Variants in TRIP13 observed in about 807,000 individuals in gnomAD.
TRIP13 encodes pachytene checkpoint protein 2 homolog.
A neutral mutation model predicts 54.4 loss-of-function variants in TRIP13; 25 were observed. That is an observed-to-expected ratio of 0.46 (90% confidence interval 0.33 to 0.64). The LOEUF is 0.64. Among genes scored for constraint, TRIP13 ranks in the 30% least tolerant of loss-of-function variants. The pLI is 0.02. For missense variants in TRIP13, 373 were observed against 534.2 expected (o/e 0.70, Z 2.97); for synonymous variants, 207 against 207.8 (o/e 1.00, Z 0.03).
At position 911,631 on chromosome 5, in the gene TRIP13, C is replaced by T. The variant is rs1009404700; in HGVS notation, c.867-212C>T. On this transcript the variant is annotated intron_variant, in intron 9 of 12. Coordinates refer to ENST00000166345, the MANE Select transcript of TRIP13 (RefSeq NM_004237.4). This position sits in a 1 kb window ranked among gnomAD's most constrained non-coding sequence, Gnocchi z 4.7. ...AGGTTGAAGGCAGTGAGGGAATGAGCGAAGTGGGGCTGTAGAATTCCCAGA... is the reference window on the plus strand; with the variant it reads ...AGGTTGAAGGCAGTGAGGGAATGAGTGAAGTGGGGCTGTAGAATTCCCAGA... 6.6e-6 allele frequency among the ~76,000 whole-genome samples: 1 copy of T among 150,978 alleles called. No individual in the cohort carries two copies. The highest frequency in any genetic ancestry group is 6.6e-5 in the Admixed American group (1 of 15,218).
Position 911,333 on chromosome 5 carries a change from A to AG in TRIP13, c.867-508dup. ...ACGCCTGTAATCCCAGCACTTTGGGAGGCCGAGGCAGGCGGATCACGAGGT... is the reference window on the plus strand; with the variant it reads ...ACGCCTGTAATCCCAGCACTTTGGGAGGGCCGAGGCAGGCGGATCACGAGGT... On this transcript the variant is annotated intron_variant, in intron 9 of 12. Transcript: ENST00000166345. The surrounding 1 kb of genome is among the most constrained non-coding windows in gnomAD (Gnocchi z 4.7). Among the ~76,000 whole-genome samples the AG allele has an allele frequency of 6.6e-6, 1 of 152,252 alleles. No homozygotes were observed. The highest frequency in any genetic ancestry group is 1.5e-5 in the Non-Finnish European group (1 of 68,018).
chr5:916,791 GC>G lies in TRIP13; in HGVS notation c.1204-216del, dbSNP rs56957846. The stretch of plus-strand genomic sequence containing the variant: ...TTCTGACATTCAGGACATGGCGGGG[GC>G]GGGGGTCACGTAGCCACCTTGTTCG... On this transcript the variant is annotated intron_variant, in intron 12 of 12. Coordinates refer to ENST00000166345, the MANE Select transcript of TRIP13 (RefSeq NM_004237.4). Among the ~76,000 whole-genome samples, 13,119 of 148,674 alleles carry G rather than the reference GC, an allele frequency of 0.088. 902 individuals are homozygous for G. Among genetic ancestry groups the G allele is most frequent in the African/African-American group, 0.2 (7,869 of 38,512 alleles).
At position 907,974 on chromosome 5, in the gene TRIP13, T is replaced by C; in HGVS notation, c.673-14T>C. The C allele has an allele frequency of 6.2e-7, 1 of 1,613,966 alleles. No homozygotes were observed. The highest frequency in any genetic ancestry group is 1.3e-5 in the African/African-American group (1 of 75,010). On this transcript the variant is annotated splice_polypyrimidine_tract_variant and intron_variant, in intron 7 of 12. Coordinates refer to ENST00000166345, the MANE Select transcript of TRIP13 (RefSeq NM_004237.4). The surrounding 1 kb of genome is among the most constrained non-coding windows in gnomAD (Gnocchi z 4.1). ...TCCCTGCACGTTGACACTAAAAGGG[T>C]GTTTGGGTTCCAGAGTGGCAAGCTG...
At chr5:896,141 G>A (rs534660560) in intron 2 of TRIP13, among the ~76,000 whole-genome samples, 21 of 152,248 alleles carry the variant, frequency 1.4e-4, no homozygotes, top group African/African-American at 3.6e-4. Flanking sequence ...GCAAGACCCC[G>A]TCTCTAAAAA....
chr5:904,018 A>G, intron 5 of TRIP13, 130 bp from the exon 6 acceptor site: 3 of 750,268 alleles, frequency 4.0e-6, no homozygotes, highest in Non-Finnish European at 6.2e-6. Flanking sequence ...AGCAGACTTC[A>G]TTGTAGTAAT....
rs549973410 is a variant in TRIP13, at chr5:900,239, G to A, written c.389-255G>A. 1.7e-4 allele frequency among the ~76,000 whole-genome samples: 26 copies of A among 152,358 alleles called. No individual in the cohort carries two copies. The South Asian group carries it at 5.2e-3, about 30-fold the overall frequency. On this transcript the variant is annotated intron_variant, in intron 3 of 12. Transcript: ENST00000166345. ...ATTGTGCGTGATAATGAGACGTAAAGTGTAATTCTTTGACTCCATCCAGTT... is the reference window on the plus strand; with the variant it reads ...ATTGTGCGTGATAATGAGACGTAAAATGTAATTCTTTGACTCCATCCAGTT...
chr5:894,909 CTG>C lies in TRIP13; in HGVS notation c.219_220del (p.Ser74TyrfsTer3). 1 of 1,613,602 alleles carries C rather than the reference CTG, an allele frequency of 6.2e-7. No individual in the cohort carries two copies. The highest frequency in any genetic ancestry group is 8.5e-7 in the Non-Finnish European group (1 of 1,179,890). On this transcript the variant is annotated frameshift_variant, in exon 2 of 13. Coordinates refer to ENST00000166345, the MANE Select transcript of TRIP13 (RefSeq NM_004237.4). LOFTEE classifies it high-confidence loss of function. ...CCTTTTTTGACCAGAAATGTGCAGT[CTG>C]TGTCTATTATTGACACAGAATTAAA...
At chr5:914,415 G>A (rs1754301045) in intron 10 of TRIP13, 50 bp from the exon 11 acceptor site, 8 of 1,374,904 alleles carry the variant, frequency 5.8e-6, no homozygotes, top group South Asian at 3.5e-5. Context: ...CGGTGCCTAC[G>A]CTCAGGCCTC....
At chr5:897,000 A>G (rs995014152) in intron 3 of TRIP13, among the ~76,000 whole-genome samples, 2 of 152,180 alleles carry the variant, frequency 1.3e-5, no homozygotes, top group Non-Finnish European at 1.5e-5. Context: ...TTGGGTGGGT[A>G]CCTTAGAGTT....
In TRIP13 at chr5:914,531, G is replaced by A. The variant is rs369447610; in HGVS notation, c.1087G>A (p.Glu363Lys). 6.8e-6 allele frequency: 11 copies of A among 1,613,458 alleles called. No individual in the cohort carries two copies. The African/African-American group carries it at 1.2e-4, about 18-fold the overall frequency. The change falls in exon 11 of 13, where the codon GAA becomes AAA. Residue 363 changes from glutamate (E) to lysine (K), a missense_variant. Transcript: ENST00000166345. ...AGAGCTAGAGATGATTGGCTTCATTGAAAACAACGTGTCAAAATTGAGCCT... is the reference window on the plus strand; with the variant it reads ...AGAGCTAGAGATGATTGGCTTCATTAAAAACAACGTGTCAAAATTGAGCCT... The part of the protein sequence containing the change: ...LRELEMIGFI[E>K]NNVSKLSLLL...
chr5:914,919 A>C (rs1754313515), intron 11 of TRIP13, among the ~76,000 whole-genome samples: 1 of 152,138 alleles, frequency 6.6e-6, no homozygotes, highest in Non-Finnish European at 1.5e-5. Flanking sequence ...GTGGAAGGGA[A>C]GGTAGGAAAA....
At chr5:893,449 C>T (rs190497607) in intron 1 of TRIP13, among the ~76,000 whole-genome samples, 1 of 152,370 alleles carries the variant, frequency 6.6e-6, no homozygotes, top group African/African-American at 2.4e-5. Flanking sequence ...AATAGGATGG[C>T]TGCGCATTAC....
At position 901,424 on chromosome 5, in the gene TRIP13, G is replaced by A; in HGVS notation, c.528G>A (p.Leu176=). The change falls in exon 5 of 13, where the codon CTG becomes CTA. Residue 176 remains leucine (L), a synonymous_variant. Coordinates refer to ENST00000166345, the MANE Select transcript of TRIP13 (RefSeq NM_004237.4). The part of the protein sequence containing the change: ...SNLITWNRVV[L]LHGPPGTGKT... ...TCATCACCTGGAACCGGGTGGTGCT[G>A]CTCCACGGTAAATTATGCAGGCTTT... is the stretch of plus-strand genomic sequence containing the variant. 1 of 1,614,016 alleles carries A rather than the reference G, an allele frequency of 6.2e-7. No individual in the cohort carries two copies. The highest frequency in any genetic ancestry group is 1.1e-5 in the South Asian group (1 of 91,024).
chr5:908,178 C>A lies in TRIP13; in HGVS notation c.759+104C>A. 1 of 1,455,980 alleles carries A rather than the reference C, an allele frequency of 6.9e-7. No individual in the cohort carries two copies. The highest frequency in any genetic ancestry group is 9.6e-7 in the Non-Finnish European group (1 of 1,042,112). 90.2% of individuals were successfully genotyped at this position (1,455,980 alleles called of 1,614,324 possible). A position where few individuals can be genotyped will look rare whatever the true frequency, so the allele number is the denominator to read the frequency against. On this transcript the variant is annotated intron_variant, in intron 8 of 12. Transcript: ENST00000166345. This position sits in a 1 kb window ranked among gnomAD's most constrained non-coding sequence, Gnocchi z 5.2. ...CTAGCTTTCCCCTCCTACAGCCGGGCTGCCCTCTATCCCTCCCTGCACTGT... is the reference window on the plus strand; with the variant it reads ...CTAGCTTTCCCCTCCTACAGCCGGGATGCCCTCTATCCCTCCCTGCACTGT...
intron 9 of TRIP13, among the ~76,000 whole-genome samples, chr5:909,335 CTTCTGTGAAATGTTCT>C (rs1322105093): frequency 3.9e-5 from 6 of 152,180 alleles, no homozygotes; most frequent in African/African-American, 1.4e-4. Context: ...ACTCAGGTTC[CTTCTGTGAAATGTTCT>C]TTCTGTCCTC....
At chr5:902,823 C>T (rs759580860) in intron 5 of TRIP13, among the ~76,000 whole-genome samples, 5 of 152,214 alleles carry the variant, frequency 3.3e-5, no homozygotes, top group African/African-American at 9.7e-5. Context: ...GGTAAGGTCA[C>T]GTGGGTCACG....
intron 6 of TRIP13, among the ~76,000 whole-genome samples, 193 bp downstream of exon 6, chr5:904,413 C>T (rs1754062926): frequency 6.6e-6 from 1 of 152,082 alleles, no homozygotes; most frequent in African/African-American, 2.4e-5. Flanking sequence ...TACTTGATTG[C>T]CAGCACATGA....
At position 908,254 on chromosome 5, in the gene TRIP13, A is replaced by G. The variant is rs1010197879; in HGVS notation, c.760-101A>G. ...CCGCAGGCTAGGCACGGGAACACCC[A>G]TTCATTCATCTTTTTCACGTGCTCA... On this transcript the variant is annotated intron_variant, in intron 8 of 12. Transcript: ENST00000166345. The surrounding 1 kb of genome is among the most constrained non-coding windows in gnomAD (Gnocchi z 5.2). 59 of 1,442,176 alleles carry G rather than the reference A, an allele frequency of 4.1e-5. 1 individual carries two copies. The African/African-American group carries it at 7.5e-4, about 18-fold the overall frequency. The allele number at this position is 1,442,176 out of a possible 1,614,324, so 89.3% of individuals were successfully genotyped here. A position where few individuals can be genotyped will look rare whatever the true frequency, so the allele number is the denominator to read the frequency against.
chr5:908,774 C>T lies in TRIP13; in HGVS notation c.866+313C>T, dbSNP rs1379233818. ...TAGATTGAGACCATCCTGGCTGACA[C>T]GGTGAAACCCTGTCTCTACTAAAAA... On this transcript the variant is annotated intron_variant, in intron 9 of 12. Coordinates refer to ENST00000166345, the MANE Select transcript of TRIP13 (RefSeq NM_004237.4). This position sits in a 1 kb window ranked among gnomAD's most constrained non-coding sequence, Gnocchi z 5.2. 22 of 653,006 alleles carry T rather than the reference C, an allele frequency of 3.4e-5. No individual in the cohort carries two copies. In the South Asian group the frequency reaches 3.4e-4, roughly 10 times the overall value. 40.5% of individuals were successfully genotyped at this position (653,006 alleles called of 1,614,324 possible). A position where few individuals can be genotyped will look rare whatever the true frequency, so the allele number is the denominator to read the frequency against.
Sources: gnomAD v4.1 joint callset for allele counts (sites outside exome capture counted in the v4.1 genomes callset) on GRCh38, gnomAD v4.1.1 for gene constraint, Gnocchi (gnomAD v3.1) non-coding constraint, MANE v1.5 for transcripts, NCBI Gene and HGNC (gene_info 2026-07-23, HGNC 2026-07-21) for gene names.